Variants in CDON observed in about 807,000 individuals in gnomAD.
CDON encodes the protein cell adhesion molecule-related/down-regulated by oncogenes.
In CDON, 73 loss-of-function variants were observed where a neutral mutation model predicts 120.9. That is an observed-to-expected ratio of 0.60 (90% CI 0.50 to 0.73). The LOEUF is 0.73. Among genes scored for constraint, CDON ranks in the 30% least tolerant of loss-of-function variants. The pLI, the probability that CDON is intolerant of heterozygous loss-of-function variation, is 0.00. For synonymous variants in CDON, 566 were observed against 573.5 expected, an observed-to-expected ratio of 0.99 and a Z score of 0.19; for missense variants, 1,470 against 1,587.3, an observed-to-expected ratio of 0.93 and a Z score of 1.26.
chr11:125,978,654 G>T (rs1490332466), intron 17 of CDON, among the ~76,000 whole-genome samples: 1 of 152,146 alleles, frequency 6.6e-6, no homozygotes, highest in Non-Finnish European at 1.5e-5. Context: ...CTAGACAAAG[G>T]TAAATAAATG....
chr11:126,040,966 G>A (rs1467959274), intron 1 of CDON, among the ~76,000 whole-genome samples: 3 of 151,712 alleles, frequency 2.0e-5, no homozygotes, highest in East Asian at 1.9e-4. Flanking sequence ...CGAGGCGGGC[G>A]GATCACAAGG....
chr11:126,014,710 C>G (rs1219868483), intron 7 of CDON: 1 of 154,294 alleles, frequency 6.5e-6, no homozygotes, highest in African/African-American at 2.4e-5. Flanking sequence ...GACCACTAAG[C>G]AGCAACTTTT....
intron 2 of CDON, among the ~76,000 whole-genome samples, chr11:126,023,076 T>C (rs545067182): frequency 1.3e-5 from 2 of 152,320 alleles, no homozygotes; most frequent in Non-Finnish European, 2.9e-5. Context: ...CCGCATTTTA[T>C]TCCTGTTCTT....
chr11:125,967,510 T>C (rs11220286), intron 18 of CDON, among the ~76,000 whole-genome samples: 2,197 of 152,318 alleles, frequency 0.014, 24 homozygotes, highest in Non-Finnish European at 0.021. Flanking sequence ...CAGTTCTCAG[T>C]GTCAGATACC....
Position 126,015,363 on chromosome 11 carries a change from A to C in CDON, c.1076T>G (p.Leu359Arg). Reference protein sequence around the residue: ...AQPIHPSARHLTAGNGLKISG... With the variant: ...AQPIHPSARHRTAGNGLKISG... ...GATTTTCAGTCCGTTTCCTGCAGTT[A>C]GATGTCGTGCAGAAGGATGAATAGG... Residue 359 changes from leucine (L) to arginine (R), a missense_variant, in exon 7 of 20, where the codon CTA becomes CGA. Coordinates refer to ENST00000531738, the MANE Select transcript of CDON (RefSeq NM_001378964.1). 6.2e-7 allele frequency: 1 copy of C among 1,614,192 alleles called. No homozygotes were observed. Among genetic ancestry groups the C allele is most frequent in the Non-Finnish European group, 8.5e-7 (1 of 1,180,026 alleles).
At chr11:126,003,140 A>G (rs112234612) in intron 10 of CDON, among the ~76,000 whole-genome samples, 1 of 152,100 alleles carries the variant, frequency 6.6e-6, no homozygotes, top group African/African-American at 2.4e-5. Flanking sequence ...CTTCTAATGT[A>G]CTTATAACTT....
intron 11 of CDON, among the ~76,000 whole-genome samples, chr11:125,999,960 T>A (rs1946893880): frequency 6.6e-6 from 1 of 152,210 alleles, no homozygotes; most frequent in African/African-American, 2.4e-5. Flanking sequence ...ATGTCTTTGC[T>A]AGAAACTCTT....
Position 126,005,855 on chromosome 11 carries a change from G to A in CDON, c.1755C>T (p.Pro585=). 3 of 1,614,088 alleles carry A rather than the reference G, an allele frequency of 1.9e-6. No individual in the cohort carries two copies. The highest frequency in any genetic ancestry group is 1.7e-6 in the Non-Finnish European group (2 of 1,180,010). The change falls in exon 9 of 20, where the codon CCC becomes CCT. Residue 585 remains proline, a synonymous_variant. Coordinates refer to ENST00000531738, the MANE Select transcript of CDON (RefSeq NM_001378964.1). ...SVPDAPIILS[P]PQTHTPDTYN... is the part of the protein sequence containing the mutation. ...ACGTGTCTGGTGTGTGGGTCTGTGGGGGGCTCAGTATGATGGGGGCATCAG... is the reference window on the plus strand; with the variant it reads ...ACGTGTCTGGTGTGTGGGTCTGTGGAGGGCTCAGTATGATGGGGGCATCAG...
Position 125,970,324 on chromosome 11 carries a change from G to A in CDON, c.3356+7980C>T, listed in dbSNP as rs535932547. Among the ~76,000 whole-genome samples the A allele has an allele frequency of 1.4e-4, 22 of 151,914 alleles. No homozygotes were observed. The East Asian group carries it at 2.5e-3, about 17-fold the overall frequency. On this transcript the variant is annotated intron_variant, in intron 18 of 19. Transcript: ENST00000531738. ...AGAGTAGCTGAGATTACAGGCGCGC[G>A]CCACCACGCCTGGCTGATTTTTGTT...
Position 125,978,284 on chromosome 11 carries a change from C to G in CDON, c.3356+20G>C, listed in dbSNP as rs1946199449. The G allele has an allele frequency of 7.0e-7, 1 of 1,428,736 alleles. No homozygotes were observed. The highest frequency in any genetic ancestry group is 1.4e-5 in the African/African-American group (1 of 71,576). 88.5% of individuals were successfully genotyped at this position (1,428,736 alleles called of 1,614,324 possible). A position where few individuals can be genotyped will look rare whatever the true frequency, so the allele number is the denominator to read the frequency against. On this transcript the variant is annotated intron_variant, in intron 18 of 19. Coordinates refer to ENST00000531738, the MANE Select transcript of CDON (RefSeq NM_001378964.1). Reference sequence around the variant, plus strand: ...TATGCCTTATTCACAACAGCTTGTGCAGACACATTATTAACATACCTATTG... The same window carrying G: ...TATGCCTTATTCACAACAGCTTGTGGAGACACATTATTAACATACCTATTG...
intron 1 of CDON, among the ~76,000 whole-genome samples, chr11:126,048,941 G>A (rs1486470820): frequency 1.3e-5 from 2 of 152,194 alleles, no homozygotes; most frequent in African/African-American, 4.8e-5. Context: ...AATCTCAGGT[G>A]ATCCGCCCAC....
At chr11:126,061,440 T>C (rs183052246) in intron 1 of CDON, among the ~76,000 whole-genome samples, 107 of 152,312 alleles carry the variant, frequency 7.0e-4, no homozygotes, top group Non-Finnish European at 1.2e-3. Context: ...CAGCTAAAAA[T>C]AGACTGAGGG....
rs888380209 is a variant in CDON at position 126,034,143 on chromosome 11, T to G, written c.-61-10606A>C. On this transcript the variant is annotated intron_variant, in intron 1 of 19. Coordinates refer to ENST00000531738, the MANE Select transcript of CDON (RefSeq NM_001378964.1). The surrounding 1 kb of genome is among the most constrained non-coding windows in gnomAD (Gnocchi z 4.5). ...TCAGATCAACTTAAAAAAAAAAAAG[T>G]TCACACCTACAGACTTCGCAACCCT... Among the ~76,000 whole-genome samples, 5 of 150,930 alleles carry G rather than the reference T, an allele frequency of 3.3e-5. No homozygotes were observed. Among genetic ancestry groups the G allele is most frequent in the Non-Finnish European group, 7.4e-5 (5 of 67,772 alleles).
intron 1 of CDON, among the ~76,000 whole-genome samples, chr11:126,044,626 T>C (rs1948355710): frequency 1.3e-5 from 2 of 152,172 alleles, no homozygotes; most frequent in African/African-American, 4.8e-5. Flanking sequence ...ATAAGTGAAA[T>C]AAGCCAGGCA....
At chr11:126,048,581 A>T (rs1054766529) in intron 1 of CDON, among the ~76,000 whole-genome samples, 1 of 152,256 alleles carries the variant, frequency 6.6e-6, no homozygotes, top group Non-Finnish European at 1.5e-5. Context: ...GAGAATGAAG[A>T]GGAAAATTTC....
chr11:126,022,437 G>A (rs1338207546), intron 2 of CDON, among the ~76,000 whole-genome samples: 2 of 152,150 alleles, frequency 1.3e-5, no homozygotes, highest in African/African-American at 4.8e-5. Context: ...GATTTGAAAT[G>A]GTTTCGTCTG....
chr11:126,009,273 G>A (rs1283316694), intron 8 of CDON, among the ~76,000 whole-genome samples: 1 of 152,200 alleles, frequency 6.6e-6, no homozygotes, highest in African/African-American at 2.4e-5. Context: ...GCACGTGAAG[G>A]GAAATCGTAT....
chr11:125,965,332 T>G (rs964769303), intron 18 of CDON, among the ~76,000 whole-genome samples: 1 of 152,030 alleles, frequency 6.6e-6, no homozygotes, highest in African/African-American at 2.4e-5. Context: ...CTAAAAAAAA[T>G]GGAGGAATTT....
intron 1 of CDON, among the ~76,000 whole-genome samples, chr11:126,028,684 T>C (rs1249788824): frequency 6.6e-6 from 1 of 151,704 alleles, no homozygotes; most frequent in African/African-American, 2.4e-5. Context: ...TCTTCATAAA[T>C]AAAACTTTTA....
Sources: gnomAD v4.1 joint callset for allele counts (sites outside exome capture counted in the v4.1 genomes callset) on GRCh38, gnomAD v4.1.1 for gene constraint, Gnocchi (gnomAD v3.1) non-coding constraint, MANE v1.5 for transcripts, NCBI Gene and HGNC (gene_info 2026-07-23, HGNC 2026-07-21) for gene names.